Variants in TSPAN18 observed in about 807,000 individuals in gnomAD.
The protein encoded by TSPAN18 is tetraspanin-18.
Under a neutral mutation model 27.3 loss-of-function variants are expected in TSPAN18, and 14 were observed. The observed-to-expected ratio is 0.51, with a 90% CI of 0.34 to 0.80. The LOEUF is 0.80. Ranked by LOEUF, TSPAN18 falls within the 30% of genes least tolerant of loss-of-function variation. The pLI is 0.01. For missense variants in TSPAN18, 268 were observed against 323.9 expected, an observed-to-expected ratio of 0.83 and a Z score of 1.32; for synonymous variants, 143 against 136.5, an observed-to-expected ratio of 1.05 and a Z score of -0.33.
intron 3 of TSPAN18, among the ~76,000 whole-genome samples, chr11:44,866,149 A>G (rs1858030541): frequency 6.6e-6 from 1 of 152,250 alleles, no homozygotes; most frequent in African/African-American, 2.4e-5. Flanking sequence ...GCACAGGCCC[A>G]GGTCCAAGTG....
intron 2 of TSPAN18, among the ~76,000 whole-genome samples, chr11:44,843,323 A>C (rs1217742528): frequency 6.6e-6 from 1 of 152,196 alleles, no homozygotes; most frequent in Admixed American, 6.5e-5. Context: ...AGCCACAAAA[A>C]CCAGCAAGTT....
At chr11:44,796,023 CT>C (rs1343653155) in intron 2 of TSPAN18, among the ~76,000 whole-genome samples, 9 of 152,050 alleles carry the variant, frequency 5.9e-5, no homozygotes, top group Admixed American at 4.6e-4. Flanking sequence ...GCCCTCTGGC[CT>C]TCCTGTGGTC....
At chr11:44,751,858 C>A (rs143691115) in intron 1 of TSPAN18, among the ~76,000 whole-genome samples, 2 of 150,918 alleles carry the variant, frequency 1.3e-5, no homozygotes. Flanking sequence ...ACCTGGGAGG[C>A]GGAGGTTTCA....
chr11:44,815,627 G>A (rs1856804853), intron 2 of TSPAN18, among the ~76,000 whole-genome samples: 1 of 152,172 alleles, frequency 6.6e-6, no homozygotes. Flanking sequence ...TGGCCCCAGG[G>A]ATACCATGGT....
At chr11:44,821,687 AGGTC>A (rs1173962543) in intron 2 of TSPAN18, among the ~76,000 whole-genome samples, 3 of 150,452 alleles carry the variant, frequency 2.0e-5, no homozygotes, top group Middle Eastern at 3.4e-3. Flanking sequence ...AAGCCATTCA[AGGTC>A]AGGGATGGTT....
At chr11:44,774,942 G>A (rs1203299255) in intron 2 of TSPAN18, among the ~76,000 whole-genome samples, 3 of 152,208 alleles carry the variant, frequency 2.0e-5, no homozygotes, top group Admixed American at 6.5e-5. Context: ...TCAGGCATGT[G>A]TTCAATAGTT....
intron 2 of TSPAN18, among the ~76,000 whole-genome samples, chr11:44,793,007 G>A (rs1856265026): frequency 6.6e-6 from 1 of 152,174 alleles, no homozygotes; most frequent in Non-Finnish European, 1.5e-5. Context: ...TGCTCCCAGG[G>A]GGAAGGGGAG....
intron 1 of TSPAN18, among the ~76,000 whole-genome samples, chr11:44,745,308 T>G (rs532960338): frequency 6.6e-6 from 1 of 152,216 alleles, no homozygotes; most frequent in South Asian, 2.1e-4. Flanking sequence ...GTATAACCAC[T>G]GACAACCTAT....
At chr11:44,897,889 G>A in intron 3 of TSPAN18, 1 of 1,283,352 alleles carries the variant, frequency 7.8e-7, no homozygotes. Flanking sequence ...ACCTGACACG[G>A]TCCCATCTCC....
chr11:44,751,241 T>A (rs1358444265), intron 1 of TSPAN18, among the ~76,000 whole-genome samples: 2 of 152,170 alleles, frequency 1.3e-5, no homozygotes, highest in Non-Finnish European at 2.9e-5. Flanking sequence ...CCCTGCACAC[T>A]TTGTGTTCTG....
At chr11:44,845,128 C>A (rs1210480112) in intron 2 of TSPAN18, among the ~76,000 whole-genome samples, 1 of 152,148 alleles carries the variant, frequency 6.6e-6, no homozygotes, top group African/African-American at 2.4e-5. Flanking sequence ...AGGTAATGTC[C>A]CATAGACTTT....
At chr11:44,818,299 T>C (rs1456957348) in intron 2 of TSPAN18, among the ~76,000 whole-genome samples, 1 of 152,114 alleles carries the variant, frequency 6.6e-6, no homozygotes, top group East Asian at 1.9e-4. Flanking sequence ...GGGATGCTAT[T>C]TCTATACATC....
At chr11:44,809,236 T>G (rs1240073859) in intron 2 of TSPAN18, among the ~76,000 whole-genome samples, 8 of 152,030 alleles carry the variant, frequency 5.3e-5, no homozygotes, top group Admixed American at 5.2e-4. Flanking sequence ...CACACACCCA[T>G]CATGCACTGT....
intron 2 of TSPAN18, among the ~76,000 whole-genome samples, chr11:44,836,665 T>TGGCTTCAA (rs1275198617): frequency 1.3e-5 from 2 of 152,212 alleles, no homozygotes; most frequent in South Asian, 2.1e-4. Flanking sequence ...AGTCAATGTC[T>TGGCTTCAA]GGCTTCAAGG....
chr11:44,882,621 CACACACAG>C lies in TSPAN18; in HGVS notation c.-11+22154_-11+22161del, dbSNP rs1285882670. 3.6e-3 allele frequency among the ~76,000 whole-genome samples: 457 copies of C among 128,596 alleles called. 4 individuals carry two copies. Among genetic ancestry groups the C allele is most frequent in the African/African-American group, 0.012 (434 of 36,550 alleles). The allele number at this position is 128,596 out of a possible 152,430, so 84.4% of individuals were successfully genotyped here. ...ACACACACACACACACACACACACA[CACACACAG>C]AGAGAGAGCATGTGCGTGCATGTAT... On this transcript the variant is annotated intron_variant, in intron 3 of 9. Coordinates refer to ENST00000520358, the MANE Select transcript of TSPAN18 (RefSeq NM_130783.5).
At chr11:44,915,294 C>T (rs941209192) in intron 5 of TSPAN18, among the ~76,000 whole-genome samples, 1 of 152,176 alleles carries the variant, frequency 6.6e-6, no homozygotes, top group Admixed American at 6.5e-5. Context: ...CCCCTGCCAG[C>T]GGCCTCCGTC....
intron 5 of TSPAN18, chr11:44,917,695 G>T (rs931414309): frequency 2.4e-5 from 10 of 421,204 alleles, no homozygotes; most frequent in Non-Finnish European, 3.9e-5. Flanking sequence ...GGTTGTTCAG[G>T]TTGCACACTG....
chr11:44,796,095 A>G (rs1016578786), intron 2 of TSPAN18, among the ~76,000 whole-genome samples: 4 of 152,284 alleles, frequency 2.6e-5, no homozygotes, highest in Middle Eastern at 6.8e-3. Context: ...CCCAGTGTTC[A>G]GGAGACGCTT....
intron 2 of TSPAN18, among the ~76,000 whole-genome samples, chr11:44,784,000 G>A (rs552900608): frequency 3.9e-5 from 6 of 152,218 alleles, no homozygotes; most frequent in Non-Finnish European, 7.3e-5. Context: ...GGAGGGGTCA[G>A]AGCACAGCCT....
Sources: gnomAD v4.1 joint callset for allele counts (sites outside exome capture counted in the v4.1 genomes callset) on GRCh38, gnomAD v4.1.1 for gene constraint, MANE v1.5 for transcripts, NCBI Gene and HGNC (gene_info 2026-07-23, HGNC 2026-07-21) for gene names.